PRR16: variants seen among roughly 807,000 people sequenced by gnomAD.
PRR16 encodes protein Largen.
In PRR16, 6 loss-of-function variants were observed where a neutral mutation model predicts 18.2. The ratio of observed to expected loss-of-function variants is 0.33; its 90% CI spans 0.18 to 0.65. PRR16 has a LOEUF of 0.65. Among genes scored for constraint, PRR16 ranks in the 30% least tolerant of loss-of-function variants. The pLI is 0.74. For missense variants in PRR16, 412 were observed against 376.6 expected, an observed-to-expected ratio of 1.09 and a Z score of -0.78; for synonymous variants, 151 against 147.8, an observed-to-expected ratio of 1.02 and a Z score of -0.16.
At chr5:120,621,738 G>A (rs1754696083) in intron 1 of PRR16, among the ~76,000 whole-genome samples, 1 of 151,976 alleles carries the variant, frequency 6.6e-6, no homozygotes, top group Non-Finnish European at 1.5e-5. Flanking sequence ...TCTCCTTTCT[G>A]CCACCTTGTA....
chr5:120,494,313 G>C (rs75415007), intron 1 of PRR16, among the ~76,000 whole-genome samples: 3,766 of 152,082 alleles, frequency 0.025, 122 homozygotes, highest in African/African-American at 0.074. Flanking sequence ...CTTATATGCT[G>C]TACACATAGC....
chr5:120,564,701 T>C (rs1580729854), intron 1 of PRR16, among the ~76,000 whole-genome samples: 1 of 152,168 alleles, frequency 6.6e-6, no homozygotes, highest in African/African-American at 2.4e-5. Context: ...TAAAACCAGG[T>C]ACTGGCTGGG....
At chr5:120,770,301 G>A in the PRR16 span, among the ~76,000 whole-genome samples, 9 of 151,936 alleles carry the variant, frequency 5.9e-5, no homozygotes, top group South Asian at 2.1e-4. Flanking sequence ...ATTCATACAC[G>A]ATCAGTTGAA....
chr5:120,659,617 A>G (rs1161290201), intron 1 of PRR16, among the ~76,000 whole-genome samples: 5 of 152,044 alleles, frequency 3.3e-5, no homozygotes, highest in African/African-American at 1.2e-4. Context: ...ACAGTAGATT[A>G]ATATTGATTT....
intron 1 of PRR16, among the ~76,000 whole-genome samples, chr5:120,649,143 G>A (rs2150130050): frequency 6.6e-6 from 1 of 152,236 alleles, no homozygotes; most frequent in Admixed American, 6.5e-5. Context: ...GGGTGGATTG[G>A]AAGAAGATAT....
At chr5:120,570,428 G>A (rs1335124436) in intron 1 of PRR16, among the ~76,000 whole-genome samples, 1 of 152,122 alleles carries the variant, frequency 6.6e-6, no homozygotes, top group African/African-American at 2.4e-5. Context: ...AGGTTGATAT[G>A]TTGGGCCAGA....
chr5:120,641,842 A>T (rs970699640), intron 1 of PRR16, among the ~76,000 whole-genome samples: 1 of 152,106 alleles, frequency 6.6e-6, no homozygotes, highest in Admixed American at 6.6e-5. Flanking sequence ...CATCTTTTGC[A>T]TGTAGATATT....
At chr5:120,783,884 A>G in the PRR16 span, among the ~76,000 whole-genome samples, 1 of 152,080 alleles carries the variant, frequency 6.6e-6, no homozygotes, top group African/African-American at 2.4e-5. Context: ...TACCCATACC[A>G]GCCTCTGGTA....
rs371724193 is a variant in PRR16, at chr5:120,559,713, A to G, written c.159+95068A>G. ...AGAATGTCATTAGTATTCTGATAGG[A>G]ATTGGCGTTGAATCTGTAGATTACT... is the stretch of plus-strand genomic sequence containing the variant. On this transcript the variant is annotated intron_variant, in intron 1 of 1. Coordinates refer to ENST00000407149, the MANE Select transcript of PRR16 (RefSeq NM_001300783.2). 2.4e-4 allele frequency among the ~76,000 whole-genome samples: 37 copies of G among 151,866 alleles called. No homozygotes were observed. In the East Asian group the frequency reaches 6.4e-3, roughly 26 times the overall value.
At chr5:120,656,509 C>G (rs1021172344) in intron 1 of PRR16, among the ~76,000 whole-genome samples, 104 of 148,634 alleles carry the variant, frequency 7.0e-4, no homozygotes, top group African/African-American at 2.6e-3. Flanking sequence ...ACTTACCAGA[C>G]ACTCTGGAAT....
intron 1 of PRR16, among the ~76,000 whole-genome samples, chr5:120,660,131 G>C (rs1359418065): frequency 6.6e-6 from 1 of 151,996 alleles, no homozygotes; most frequent in Non-Finnish European, 1.5e-5. Context: ...GACAGTATAA[G>C]ACACTCACAA....
chr5:120,739,601 T>TAA, the PRR16 span, among the ~76,000 whole-genome samples: 4 of 152,304 alleles, frequency 2.6e-5, no homozygotes, highest in South Asian at 8.3e-4. Context: ...CAAATTGGTT[T>TAA]ATTTTACATT....
intron 1 of PRR16, among the ~76,000 whole-genome samples, chr5:120,661,891 A>G (rs115702604): frequency 0.012 from 1,771 of 152,220 alleles, 32 homozygotes; most frequent in Admixed American, 0.051. Context: ...AACCACTAGT[A>G]TGTTTATCCT....
chr5:120,785,613 C>T, the PRR16 span, among the ~76,000 whole-genome samples: 1 of 119,420 alleles, frequency 8.4e-6, no homozygotes, highest in African/African-American at 3.2e-5. Context: ...TTCTCTGTCA[C>T]CCAGGCTGGA....
chr5:120,767,555 T>G, the PRR16 span, among the ~76,000 whole-genome samples: 52 of 152,014 alleles, frequency 3.4e-4, no homozygotes, highest in East Asian at 4.4e-3. Context: ...TCAAAGATTT[T>G]TTGTCATCTG....
At chr5:120,648,789 G>A (rs1755682043) in intron 1 of PRR16, among the ~76,000 whole-genome samples, 1 of 152,102 alleles carries the variant, frequency 6.6e-6, no homozygotes, top group Admixed American at 6.6e-5. Context: ...CTGGTTTGTA[G>A]TATTTGCCCG....
intron 1 of PRR16, among the ~76,000 whole-genome samples, chr5:120,628,544 T>TA (rs1234552157): frequency 6.6e-6 from 1 of 151,994 alleles, no homozygotes; most frequent in Non-Finnish European, 1.5e-5. Flanking sequence ...GTGAAAAGGA[T>TA]AAAAAAATTG....
intron 1 of PRR16, among the ~76,000 whole-genome samples, chr5:120,594,482 T>C (rs757760446): frequency 5.3e-5 from 8 of 152,072 alleles, no homozygotes; most frequent in Non-Finnish European, 8.8e-5. Flanking sequence ...GAAAAACATC[T>C]GATGCTCATG....
At chr5:120,515,353 C>T (rs772870993) in intron 1 of PRR16, among the ~76,000 whole-genome samples, 1 of 152,168 alleles carries the variant, frequency 6.6e-6, no homozygotes, top group Non-Finnish European at 1.5e-5. Context: ...GTTTCCAACA[C>T]TTAAGCTTTG....
Sources: allele counts gnomAD v4.1 joint callset (sites outside exome capture counted in the v4.1 genomes callset), GRCh38; gene constraint gnomAD v4.1.1; transcripts MANE v1.5; gene names NCBI Gene and HGNC (gene_info 2026-07-23, HGNC 2026-07-21).